Variants in RELN observed in about 807,000 individuals in gnomAD.
RELN encodes reelin.
RELN carries 108 observed loss-of-function variants against 427.6 expected under a neutral mutation model. That is an observed-to-expected ratio of 0.25 (90% CI 0.22 to 0.30). The LOEUF is 0.30. Ranked by LOEUF, RELN falls within the 10% of genes least tolerant of loss-of-function variation. The pLI is 1.00. For missense variants in RELN, 3,715 were observed against 4,302.8 expected, an observed-to-expected ratio of 0.86 and a Z score of 3.82; for synonymous variants, 1,524 against 1,513.4, an observed-to-expected ratio of 1.01 and a Z score of -0.16.
At chr7:103,505,182 A>G (rs1353964652) in intron 51 of RELN, among the ~76,000 whole-genome samples, 1 of 152,150 alleles carries the variant, frequency 6.6e-6, no homozygotes, top group East Asian at 1.9e-4. Flanking sequence ...CTCTGAAGAG[A>G]GCAGCGGTTC....
chr7:103,967,230 C>G (rs1194419548), intron 1 of RELN, among the ~76,000 whole-genome samples: 1 of 152,118 alleles, frequency 6.6e-6, no homozygotes, highest in Non-Finnish European at 1.5e-5. Flanking sequence ...AGTCACTCTG[C>G]CAGCCTGCTT....
intron 27 of RELN, among the ~76,000 whole-genome samples, chr7:103,591,923 C>T (rs966777981): frequency 6.6e-6 from 1 of 152,092 alleles, no homozygotes; most frequent in Non-Finnish European, 1.5e-5. Flanking sequence ...TAAGTCTCTC[C>T]TATCTTTAAA....
At chr7:103,793,243 A>T (rs1792211549) in intron 3 of RELN, among the ~76,000 whole-genome samples, 1 of 152,224 alleles carries the variant, frequency 6.6e-6, no homozygotes, top group Non-Finnish European at 1.5e-5. Flanking sequence ...GTAATGATTA[A>T]TTAAAAGTCC....
chr7:103,638,196 C>G (rs1832624324), intron 17 of RELN, among the ~76,000 whole-genome samples: 1 of 152,210 alleles, frequency 6.6e-6, no homozygotes, highest in Non-Finnish European at 1.5e-5. Flanking sequence ...ACTAATCCAT[C>G]TACACATGCT....
In RELN at chr7:103,652,779, A is replaced by G; in HGVS notation, c.1555-20T>C. The G allele has an allele frequency of 6.2e-7, 1 of 1,607,622 alleles. No homozygotes were observed. Among genetic ancestry groups the G allele is most frequent in the African/African-American group, 1.3e-5 (1 of 74,804 alleles). On this transcript the variant is annotated intron_variant, in intron 13 of 64. Coordinates refer to ENST00000428762, the MANE Select transcript of RELN (RefSeq NM_005045.4). The stretch of plus-strand genomic sequence containing the variant: ...CGGAACCTTTCAAACAAAGGAGACC[A>G]GAATCACTCAAAATCCTTTCTAGGC...
chr7:103,933,241 T>C (rs1046250071), intron 1 of RELN, among the ~76,000 whole-genome samples: 1 of 152,202 alleles, frequency 6.6e-6, no homozygotes, highest in Non-Finnish European at 1.5e-5. Flanking sequence ...GTTTTGAGTA[T>C]GCATTACCTT....
intron 4 of RELN, among the ~76,000 whole-genome samples, chr7:103,773,201 C>G (rs527810763): frequency 0.011 from 450 of 39,262 alleles, 8 homozygotes; most frequent in African/African-American, 0.11. Flanking sequence ...CTTTCTTTCT[C>G]TCTCTCTCTC....
intron 1 of RELN, among the ~76,000 whole-genome samples, chr7:103,955,031 G>T (rs1796405910): frequency 6.6e-6 from 1 of 152,192 alleles, no homozygotes; most frequent in African/African-American, 2.4e-5. Flanking sequence ...TTCATTAAAA[G>T]CAGAAAAGGA....
intron 40 of RELN, among the ~76,000 whole-genome samples, chr7:103,552,356 A>G (rs867889407): frequency 3.3e-5 from 5 of 152,202 alleles, no homozygotes; most frequent in African/African-American, 1.2e-4. Context: ...ATAACCATCT[A>G]TAGTTATAGT....
At chr7:103,869,189 G>A (rs1040268280) in intron 2 of RELN, among the ~76,000 whole-genome samples, 1 of 152,052 alleles carries the variant, frequency 6.6e-6, no homozygotes, top group East Asian at 1.9e-4. Context: ...GTGTGAAGAA[G>A]GATGTGTACA....
chr7:103,705,261 T>G (rs1834175787), intron 8 of RELN, among the ~76,000 whole-genome samples: 1 of 152,196 alleles, frequency 6.6e-6, no homozygotes, highest in Non-Finnish European at 1.5e-5. Context: ...TCAATCTTAG[T>G]AAGTCAAAAT....
rs1832923204 is a variant in RELN, at chr7:103,651,877, TAA to T, written c.1764-90_1764-89del. 7 of 1,332,078 alleles carry T rather than the reference TAA, an allele frequency of 5.3e-6. No homozygotes were observed. The South Asian group carries it at 8.7e-5, about 17-fold the overall frequency. The allele number at this position is 1,332,078 out of a possible 1,614,324, so 82.5% of individuals were successfully genotyped here. A position where few individuals can be genotyped will look rare whatever the true frequency, so the allele number is the denominator to read the frequency against. ...AATTTTCAACTCTGGTTAAGTACAT[TAA>T]ACAACTGTAAAAACAGTGTAAAATT... On this transcript the variant is annotated intron_variant, in intron 14 of 64. Coordinates refer to ENST00000428762, the MANE Select transcript of RELN (RefSeq NM_005045.4).
intron 46 of RELN, among the ~76,000 whole-genome samples, chr7:103,526,351 T>C (rs1829821988): frequency 6.6e-6 from 1 of 152,212 alleles, no homozygotes; most frequent in Non-Finnish European, 1.5e-5. Context: ...TGTACTAACA[T>C]GGGAGTTGGC....
intron 2 of RELN, among the ~76,000 whole-genome samples, chr7:103,913,356 T>C (rs915612601): frequency 1.3e-5 from 2 of 152,192 alleles, no homozygotes; most frequent in African/African-American, 4.8e-5. Flanking sequence ...TACTCTGCCT[T>C]ATTTGTCACA....
intron 20 of RELN, among the ~76,000 whole-genome samples, chr7:103,616,123 C>T (rs537054024): frequency 1.3e-5 from 2 of 152,130 alleles, no homozygotes; most frequent in Non-Finnish European, 2.9e-5. Context: ...TCTCACTATT[C>T]ATGTGCCATA....
intron 41 of RELN, 62 bp from the exon 42 acceptor site, chr7:103,545,406 C>T: frequency 9.1e-7 from 1 of 1,094,238 alleles, no homozygotes; most frequent in Non-Finnish European, 1.4e-6. Flanking sequence ...TCAAAGTATG[C>T]ACATCTGATC....
intron 28 of RELN, among the ~76,000 whole-genome samples, chr7:103,578,726 A>G (rs908872070): frequency 1.5e-4 from 23 of 152,254 alleles, no homozygotes; most frequent in African/African-American, 5.1e-4. Flanking sequence ...CTAAGAGACC[A>G]TGAGAAGAAG....
intron 6 of RELN, among the ~76,000 whole-genome samples, chr7:103,746,967 A>G (rs1019682819): frequency 6.6e-6 from 1 of 152,208 alleles, no homozygotes; most frequent in Non-Finnish European, 1.5e-5. Flanking sequence ...ATGCACACGT[A>G]TGTTTATAGC....
In RELN at chr7:103,574,286, G is replaced by A. The variant is rs1584308792; in HGVS notation, c.4317C>T (p.Thr1439=). 1 of 1,613,996 alleles carries A rather than the reference G, an allele frequency of 6.2e-7. No homozygotes were observed. The highest frequency in any genetic ancestry group is 8.5e-7 in the Non-Finnish European group (1 of 1,179,882). Residue 1439 remains threonine, a synonymous_variant, in exon 30 of 65, where the codon ACC becomes ACT. Transcript: ENST00000428762. The part of the protein sequence containing the change: ...CDLGYTAAQG[T]CVSNVPNHNE... ...TGTGATTGGGGACATTTGACACACAGGTTCCTTGTGCAGCTTCAGAAAAAG... is the reference window on the plus strand; with the variant it reads ...TGTGATTGGGGACATTTGACACACAAGTTCCTTGTGCAGCTTCAGAAAAAG...
Sources: allele counts gnomAD v4.1 joint callset (sites outside exome capture counted in the v4.1 genomes callset), GRCh38; gene constraint gnomAD v4.1.1; transcripts MANE v1.5; gene names NCBI Gene and HGNC (gene_info 2026-07-23, HGNC 2026-07-21).